The following PHF21B variants were observed in gnomAD, a reference collection of about 807,000 sequenced individuals.
PHF21B encodes PHD finger protein 4.
In PHF21B, 22 loss-of-function variants were observed where a neutral mutation model predicts 62.2. The ratio of observed to expected loss-of-function variants is 0.35; its 90% CI spans 0.25 to 0.51. The LOEUF (loss-of-function observed/expected upper bound fraction) is 0.51. PHF21B is among the 20% of genes least tolerant of loss of function. The pLI, the probability that PHF21B is intolerant of heterozygous loss-of-function variation, is 0.97. For synonymous variants in PHF21B, 341 were observed against 314.7 expected, an observed-to-expected ratio of 1.08 and a Z score of -0.88; for missense variants, 701 against 707.9, an observed-to-expected ratio of 0.99 and a Z score of 0.11.
chr22:44,972,831 T>C (rs1292911322), intron 2 of PHF21B, among the ~76,000 whole-genome samples: 1 of 152,138 alleles, frequency 6.6e-6, no homozygotes, highest in Non-Finnish European at 1.5e-5. Context: ...AGACAGGGAC[T>C]GTGTCTTTGC....
At position 44,896,880 on chromosome 22, in the gene PHF21B, G is replaced by GTTTTTTTTTTTTTTTTTTTT. The variant is rs56878868; in HGVS notation, c.832-798_832-797insAAAAAAAAAAAAAAAAAAAA. Among the ~76,000 whole-genome samples the GTTTTTTTTTTTTTTTTTTTT allele has an allele frequency of 4.8e-4, 40 of 84,086 alleles. 1 individual carries two copies. Among genetic ancestry groups the GTTTTTTTTTTTTTTTTTTTT allele is most frequent in the South Asian group, 1.1e-3 (3 of 2,716 alleles). The allele number at this position is 84,086 out of a possible 152,430, so 55.2% of individuals were successfully genotyped here. On this transcript the variant is annotated intron_variant, in intron 5 of 12. Transcript: ENST00000313237. ...AACAGGGTGGCACTTAGTTTTATCT[G>GTTTTTTTTTTTTTTTTTTTT]TTTTTTTTTTTTTTTTGAGACAGGT...
At chr22:44,913,179 T>C (rs550193633) in intron 5 of PHF21B, among the ~76,000 whole-genome samples, 4 of 152,146 alleles carry the variant, frequency 2.6e-5, no homozygotes, top group African/African-American at 4.8e-5. Flanking sequence ...GGTGGAGACA[T>C]AGGCAATTTC....
intron 2 of PHF21B, among the ~76,000 whole-genome samples, chr22:44,922,133 A>G (rs983885149): frequency 6.6e-6 from 1 of 152,212 alleles, no homozygotes; most frequent in African/African-American, 2.4e-5. Flanking sequence ...CAATTCTAAC[A>G]ATAACAAAAA....
At chr22:44,891,391 C>A (rs751057951) in intron 7 of PHF21B, 31 bp from the exon 8 acceptor site, 1 of 1,610,152 alleles carries the variant, frequency 6.2e-7, no homozygotes. Flanking sequence ...ACAACACACC[C>A]CATCATCTGG....
intron 5 of PHF21B, chr22:44,902,340 G>T: frequency 2.9e-6 from 1 of 341,818 alleles, no homozygotes; most frequent in South Asian, 3.1e-5. Context: ...ATTTTACTGA[G>T]TATCAAAGCT....
At chr22:44,946,400 G>A (rs1216841627) in intron 2 of PHF21B, among the ~76,000 whole-genome samples, 1 of 152,166 alleles carries the variant, frequency 6.6e-6, no homozygotes, top group Admixed American at 6.5e-5. Flanking sequence ...CTCTCAGAGC[G>A]TAGGGAGTAG....
intron 5 of PHF21B, among the ~76,000 whole-genome samples, chr22:44,899,060 G>C (rs145025246): frequency 6.6e-6 from 1 of 152,152 alleles, no homozygotes; most frequent in South Asian, 2.1e-4. Context: ...TTTAATATCC[G>C]GGAGGATTAG....
intron 2 of PHF21B, among the ~76,000 whole-genome samples, chr22:44,941,498 G>A (rs1419334502): frequency 3.3e-5 from 5 of 152,192 alleles, no homozygotes; most frequent in Non-Finnish European, 5.9e-5. Flanking sequence ...GAGTAACAGC[G>A]GCGGAGGAGG....
intron 2 of PHF21B, among the ~76,000 whole-genome samples, chr22:44,923,144 G>A (rs1191237884): frequency 6.6e-6 from 1 of 152,052 alleles, no homozygotes; most frequent in African/African-American, 2.4e-5. Flanking sequence ...TGCATAAATA[G>A]ATCAATGGAA....
At chr22:44,920,345 G>A in intron 3 of PHF21B, 53 bp downstream of exon 3, 2 of 1,452,222 alleles carry the variant, frequency 1.4e-6, no homozygotes. Flanking sequence ...TAGGAACAGA[G>A]ACTGCGGGGA....
intron 2 of PHF21B, among the ~76,000 whole-genome samples, chr22:44,946,285 T>C (rs894411467): frequency 5.3e-4 from 80 of 152,160 alleles, no homozygotes; most frequent in Admixed American, 1.8e-3. Context: ...AAGCTTCCCC[T>C]GACACCCCCA....
chr22:44,995,772 T>C (rs984913249), intron 2 of PHF21B, among the ~76,000 whole-genome samples: 1 of 150,716 alleles, frequency 6.6e-6, no homozygotes, highest in African/African-American at 2.4e-5. Context: ...AGGGAGGAAA[T>C]TACTAGATGA....
At chr22:44,897,354 G>C (rs1490878939) in intron 5 of PHF21B, among the ~76,000 whole-genome samples, 1 of 152,102 alleles carries the variant, frequency 6.6e-6, no homozygotes, top group Non-Finnish European at 1.5e-5. Context: ...GGGCAGGATT[G>C]AAAATACCAC....
chr22:44,908,948 G>A (rs908959689), intron 5 of PHF21B, among the ~76,000 whole-genome samples: 1 of 152,286 alleles, frequency 6.6e-6, no homozygotes, highest in East Asian at 1.9e-4. Context: ...CAGCTGTGTG[G>A]CACCATGCCT....
intron 2 of PHF21B, among the ~76,000 whole-genome samples, chr22:44,979,547 C>T (rs2147471502): frequency 6.6e-6 from 1 of 152,302 alleles, no homozygotes; most frequent in Middle Eastern, 3.4e-3. Context: ...AGTGTCCTCC[C>T]CAGCCTTCTC....
At chr22:44,973,921 G>C (rs1307579097) in intron 2 of PHF21B, among the ~76,000 whole-genome samples, 1 of 152,176 alleles carries the variant, frequency 6.6e-6, no homozygotes, top group Non-Finnish European at 1.5e-5. Flanking sequence ...GCCAGAAGAG[G>C]AGGCAGGTAA....
chr22:44,958,130 C>T (rs191525280), intron 2 of PHF21B, among the ~76,000 whole-genome samples: 53 of 152,218 alleles, frequency 3.5e-4, no homozygotes, highest in Admixed American at 8.5e-4. Context: ...CTCGAACTCC[C>T]GACCTCAGGT....
chr22:44,912,658 G>C (rs1202687644), intron 5 of PHF21B, among the ~76,000 whole-genome samples: 2 of 151,996 alleles, frequency 1.3e-5, no homozygotes, highest in African/African-American at 2.4e-5. Flanking sequence ...AAATTGCCCA[G>C]TCTTGGGTAT....
intron 12 of PHF21B, 67 bp from the exon 13 acceptor site, chr22:44,883,371 C>CCGT (rs2070772663): frequency 6.8e-7 from 1 of 1,468,832 alleles, no homozygotes; most frequent in Non-Finnish European, 9.3e-7. Flanking sequence ...GGGGCAGCCA[C>CCGT]CGTCTGGGCC....
Sources: gnomAD v4.1 joint callset for allele counts (sites outside exome capture counted in the v4.1 genomes callset) on GRCh38, gnomAD v4.1.1 for gene constraint, MANE v1.5 for transcripts, NCBI Gene and HGNC (gene_info 2026-07-23, HGNC 2026-07-21) for gene names.